Variants in MCCC1 observed in about 807,000 individuals in gnomAD.
The protein encoded by MCCC1 is methylcrotonoyl-CoA carboxylase subunit alpha, mitochondrial.
Under a neutral mutation model 83.8 loss-of-function variants are expected in MCCC1, and 64 were observed. The observed-to-expected ratio is 0.76, with a 90% CI of 0.62 to 0.94. The LOEUF (loss-of-function observed/expected upper bound fraction) is 0.94. Ranked by LOEUF, MCCC1 falls within the 40% of genes least tolerant of loss-of-function variation. The pLI, the probability that MCCC1 is intolerant of heterozygous loss-of-function variation, is 0.00. For missense variants in MCCC1, 807 were observed against 904.7 expected, an observed-to-expected ratio of 0.89 and a Z score of 1.39; for synonymous variants, 322 against 315.4, an observed-to-expected ratio of 1.02 and a Z score of -0.22.
At chr3:183,090,846 C>T (rs560832276) in intron 3 of MCCC1, 567 of 361,156 alleles carry the variant, frequency 1.6e-3, no homozygotes, top group Middle Eastern at 2.6e-3. Flanking sequence ...CCTCGGCTTC[C>T]CAAAGTGCTG....
At chr3:183,082,549 T>C (rs917297287) in intron 4 of MCCC1, among the ~76,000 whole-genome samples, 1 of 152,250 alleles carries the variant, frequency 6.6e-6, no homozygotes, top group African/African-American at 2.4e-5. Flanking sequence ...GACTGCTTTA[T>C]GCTTCCTTAC....
At chr3:183,099,742 C>A (rs777403454), upstream of MCCC1, among the ~76,000 whole-genome samples, 5 of 152,226 alleles carry the variant, frequency 3.3e-5, no homozygotes, top group South Asian at 2.1e-4. Flanking sequence ...CATCCTCCCC[C>A]TCTTGGTTGC....
At position 183,064,788 on chromosome 3, in the gene MCCC1, G is replaced by A. The variant is rs2108516324; in HGVS notation, c.761+6211C>T. ...TAGGGGTGCAGCACCGGCAGGAGGC[G>A]CCTCAGAGCCATGGTGGGCAAAAGA... On this transcript the variant is annotated intron_variant, in intron 7 of 18. Coordinates refer to ENST00000265594, the MANE Select transcript of MCCC1 (RefSeq NM_020166.5). The surrounding 1 kb of genome is among the most constrained non-coding windows in gnomAD (Gnocchi z 4.5). Among the ~76,000 whole-genome samples, 1 of 152,304 alleles carries A rather than the reference G, an allele frequency of 6.6e-6. No homozygotes were observed. The highest frequency in any genetic ancestry group is 2.1e-4 in the South Asian group (1 of 4,824).
chr3:183,093,311 A>G (rs749009881), intron 2 of MCCC1, among the ~76,000 whole-genome samples: 11 of 152,222 alleles, frequency 7.2e-5, no homozygotes, highest in Non-Finnish European at 1.2e-4. Context: ...TTGTTATCTC[A>G]ATTTTAAAGA....
chr3:183,109,279 A>T (rs1577385280), intron 1 of MCCC1, among the ~76,000 whole-genome samples: 1 of 152,124 alleles, frequency 6.6e-6, no homozygotes, highest in Admixed American at 6.5e-5. Flanking sequence ...GGCGTGAGCC[A>T]CCGTGCCTGG....
intron 14 of MCCC1, among the ~76,000 whole-genome samples, chr3:183,029,354 G>A (rs1179753538): frequency 1.3e-5 from 2 of 152,184 alleles, no homozygotes; most frequent in African/African-American, 4.8e-5. Context: ...CTCCACTGGT[G>A]ACTTAAGACG....
intron 1 of MCCC1, among the ~76,000 whole-genome samples, chr3:183,111,292 G>T (rs1177685778): frequency 2.0e-5 from 3 of 151,960 alleles, no homozygotes; most frequent in Non-Finnish European, 4.4e-5. Flanking sequence ...AATAAGTTAT[G>T]TCAAATGACC....
upstream of MCCC1, among the ~76,000 whole-genome samples, chr3:183,101,856 C>T (rs1057356843): frequency 6.6e-6 from 1 of 152,142 alleles, no homozygotes. Context: ...GACCACGAGC[C>T]CACCGGGAGG....
chr3:183,114,015 C>T (rs1719547626), intron 1 of MCCC1, among the ~76,000 whole-genome samples: 2 of 152,196 alleles, frequency 1.3e-5, no homozygotes, highest in African/African-American at 2.4e-5. Context: ...ACAAGACAAA[C>T]TCCATCTTGG....
At chr3:183,102,024 T>G (rs555697177), upstream of MCCC1, among the ~76,000 whole-genome samples, 1 of 152,114 alleles carries the variant, frequency 6.6e-6, no homozygotes, top group Non-Finnish European at 1.5e-5. Context: ...CGCGCCGCCT[T>G]AAGAGCTGTA....
Position 183,099,357 on chromosome 3 carries a change from C to A in MCCC1, c.84G>T (p.Pro28=), listed in dbSNP as rs1423922733. 1.3e-6 allele frequency: 2 copies of A among 1,599,434 alleles called. No individual in the cohort carries two copies. Among genetic ancestry groups the A allele is most frequent in the East Asian group, 2.3e-5 (1 of 44,162 alleles). ...RWHRLPSLLL[P]PRTWVWRQRT... ...GCCATGGCCCCTCCACCCACCTCGG[C>A]GGCAGGAGCAGGCTCGGGAGACGAT... The change falls in exon 1 of 19, where the codon CCG becomes CCT. Residue 28 remains proline (P), a synonymous_variant. Transcript: ENST00000265594.
chr3:183,052,523 A>G (rs1359932101), intron 8 of MCCC1, among the ~76,000 whole-genome samples: 2 of 152,186 alleles, frequency 1.3e-5, no homozygotes, highest in Non-Finnish European at 2.9e-5. Context: ...AGTATAGCAC[A>G]ATCAGCCAGG....
chr3:183,099,920 C>T (rs1719051008), upstream of MCCC1, among the ~76,000 whole-genome samples: 1 of 152,102 alleles, frequency 6.6e-6, no homozygotes, highest in South Asian at 2.1e-4. Context: ...CTTTAAACCA[C>T]CTGAGCTTAA....
At chr3:183,087,495 G>C (rs1490537936) in intron 3 of MCCC1, among the ~76,000 whole-genome samples, 3 of 152,096 alleles carry the variant, frequency 2.0e-5, no homozygotes, top group African/African-American at 7.2e-5. Context: ...AAAACCAAGG[G>C]CATAAATGCT....
At chr3:183,087,079 A>G (rs1717946468) in intron 3 of MCCC1, among the ~76,000 whole-genome samples, 1 of 152,224 alleles carries the variant, frequency 6.6e-6, no homozygotes. Flanking sequence ...ATTAGTCATG[A>G]TATTATTACT....
At chr3:183,087,866 T>G (rs1470360102) in intron 3 of MCCC1, among the ~76,000 whole-genome samples, 1 of 130,942 alleles carries the variant, frequency 7.6e-6, no homozygotes, top group Non-Finnish European at 1.6e-5. Flanking sequence ...CGAGACTCCT[T>G]CTCAAAAAAA....
intron 7 of MCCC1, among the ~76,000 whole-genome samples, chr3:183,058,249 G>A (rs1715571682): frequency 6.6e-6 from 1 of 152,100 alleles, no homozygotes; most frequent in Non-Finnish European, 1.5e-5. Context: ...GGCTCATCCA[G>A]AAAAGTTAAA....
intron 4 of MCCC1, among the ~76,000 whole-genome samples, chr3:183,082,359 T>A (rs954609221): frequency 6.6e-6 from 1 of 152,240 alleles, no homozygotes. Context: ...GGAGCACTTT[T>A]ATAAAACATT....
At position 183,055,409 on chromosome 3, in the gene MCCC1, C is replaced by CA. The variant is rs1444404183; in HGVS notation, c.873+1901dup. Reference sequence around the variant, plus strand: ...TGGGTGACAGAGCGAAACTCCATCTCAAAAAAAAAGGATAAAAAGCTAATA... The same window carrying CA: ...TGGGTGACAGAGCGAAACTCCATCTCAAAAAAAAAAGGATAAAAAGCTAATA... On this transcript the variant is annotated intron_variant, in intron 8 of 18. Transcript: ENST00000265594. Among the ~76,000 whole-genome samples the CA allele has an allele frequency of 4.4e-4, 66 of 149,590 alleles. 2 individuals are homozygous for CA. The highest frequency in any genetic ancestry group is 3.2e-3 in the Admixed American group (48 of 15,022).
Sources: allele counts gnomAD v4.1 joint callset (sites outside exome capture counted in the v4.1 genomes callset), GRCh38; gene constraint gnomAD v4.1.1; non-coding constraint Gnocchi (gnomAD v3.1); transcripts MANE v1.5; gene names NCBI Gene and HGNC (gene_info 2026-07-23, HGNC 2026-07-21).